The following DOT1L variants were observed in gnomAD, a reference collection of about 807,000 sequenced individuals.
The protein encoded by DOT1L is DOT1 like histone lysine methyltransferase, also known as histone-lysine N-methyltransferase, H3 lysine-79 specific.
In DOT1L, 33 loss-of-function variants were observed where a neutral mutation model predicts 153.3. That is an observed-to-expected ratio of 0.22 (90% CI 0.16 to 0.29). The LOEUF (loss-of-function observed/expected upper bound fraction) is 0.29. Ranked by LOEUF, DOT1L falls within the 10% of genes least tolerant of loss-of-function variation. DOT1L has a pLI of 1.00. For synonymous variants in DOT1L, 1,135 were observed against 965.1 expected (o/e 1.18, Z -3.26); for missense variants, 1,847 against 2,119.9 (o/e 0.87, Z 2.53).
chr19:2,203,328 G>A (rs536655686), intron 9 of DOT1L, among the ~76,000 whole-genome samples: 14 of 152,306 alleles, frequency 9.2e-5, no homozygotes, highest in South Asian at 4.1e-4. Flanking sequence ...TCGAACTCCC[G>A]ATGTCAGGGT....
Position 2,226,623 on chromosome 19 carries a change from C to A in DOT1L, c.4102C>A (p.Leu1368Met). The A allele has an allele frequency of 6.3e-7, 1 of 1,595,322 alleles. No homozygotes were observed. The highest frequency in any genetic ancestry group is 2.3e-5 in the East Asian group (1 of 44,434). Reference protein sequence around the residue: ...GKEGSDANPFLSKRQLDGLAG... With the variant: ...GKEGSDANPFMSKRQLDGLAG... ...GGAGGGCTCGGACGCCAACCCTTTCCTGAGCAAGAGGCAGCTGGACGGCCT... is the reference window on the plus strand; with the variant it reads ...GGAGGGCTCGGACGCCAACCCTTTCATGAGCAAGAGGCAGCTGGACGGCCT... Residue 1368 changes from leucine (L) to methionine (M), a missense_variant, in exon 27 of 28, where the codon CTG (leucine) becomes ATG (methionine). Physicochemically the swap from Leu to Met is conservative, Grantham distance 15 (BLOSUM62 2). Transcript: ENST00000398665.
chr19:2,199,759 G>C, intron 7 of DOT1L, 125 bp from the exon 8 acceptor site: 1 of 1,292,436 alleles, frequency 7.7e-7, no homozygotes, highest in South Asian at 1.4e-5. Context: ...TGGGGCCTGG[G>C]CCTCCTCCTG....
At position 2,229,850 on chromosome 19, in the gene DOT1L, C is replaced by T. The variant is rs765017817; in HGVS notation, c.*58C>T. ...GACGGTGTGGACCAACTCGCGCCCGCGGCATGGTGCCCGCCGGCCTGCCGG... is the reference window on the plus strand; with the variant it reads ...GACGGTGTGGACCAACTCGCGCCCGTGGCATGGTGCCCGCCGGCCTGCCGG... On this transcript the variant is annotated 3_prime_UTR_variant, in exon 28 of 28. Coordinates refer to ENST00000398665, the MANE Select transcript of DOT1L (RefSeq NM_032482.3). The T allele has an allele frequency of 2.4e-5, 38 of 1,611,834 alleles. No individual in the cohort carries two copies. The highest frequency in any genetic ancestry group is 1.2e-4 in the African/African-American group (9 of 74,936).
At chr19:2,187,349 G>A (rs563805813) in intron 3 of DOT1L, among the ~76,000 whole-genome samples, 1 of 152,344 alleles carries the variant, frequency 6.6e-6, no homozygotes, top group South Asian at 2.1e-4. Flanking sequence ...CTGTGCTCAC[G>A]GCGCCCCTCC....
In DOT1L at chr19:2,193,564, A is replaced by C; in HGVS notation, c.494-125A>C. 1.3e-6 allele frequency: 1 copy of C among 798,640 alleles called. No homozygotes were observed. Among genetic ancestry groups the C allele is most frequent in the Non-Finnish European group, 2.0e-6 (1 of 490,744 alleles). The allele number at this position is 798,640 out of a possible 1,614,324, so 49.5% of individuals were successfully genotyped here. On this transcript the variant is annotated intron_variant, in intron 5 of 27. Coordinates refer to ENST00000398665, the MANE Select transcript of DOT1L (RefSeq NM_032482.3). The surrounding 1 kb of genome is among the most constrained non-coding windows in gnomAD (Gnocchi z 5.9). ...ACCTTGGAGCATCGGATATGTGTGG[A>C]GACTGTGGCCTCCCCTGTGGGTCTT...
At chr19:2,167,438 T>C (rs776109317) in intron 1 of DOT1L, among the ~76,000 whole-genome samples, 13 of 152,316 alleles carry the variant, frequency 8.5e-5, no homozygotes, top group Non-Finnish European at 1.9e-4. Flanking sequence ...TGCTCCATTG[T>C]AAATAGTAAG....
At position 2,214,083 on chromosome 19, in the gene DOT1L, C is replaced by T. The variant is rs1212238795; in HGVS notation, c.1797+97C>T. Reference sequence around the variant, plus strand: ...CGGGTGGGAGGCTCTGGAAGGCCCGCCTCTGTTGTGGGGTTTGTTCCCAGA... The same window carrying T: ...CGGGTGGGAGGCTCTGGAAGGCCCGTCTCTGTTGTGGGGTTTGTTCCCAGA... On this transcript the variant is annotated intron_variant, in intron 18 of 27. Coordinates refer to ENST00000398665, the MANE Select transcript of DOT1L (RefSeq NM_032482.3). The T allele has an allele frequency of 4.7e-6, 7 of 1,495,296 alleles. No individual in the cohort carries two copies. The Admixed American group carries it at 8.5e-5, about 18-fold the overall frequency. The allele number at this position is 1,495,296 out of a possible 1,614,324, so 92.6% of individuals were successfully genotyped here.
At chr19:2,218,432 C>T (rs1346353773) in intron 22 of DOT1L, among the ~76,000 whole-genome samples, 13 of 152,140 alleles carry the variant, frequency 8.5e-5, no homozygotes, top group Admixed American at 7.9e-4. Flanking sequence ...CTCACTCTGT[C>T]GCCCAGGCTG....
intron 1 of DOT1L, among the ~76,000 whole-genome samples, chr19:2,164,668 TCTC>T (rs1033679193): frequency 2.7e-5 from 4 of 149,886 alleles, no homozygotes; most frequent in African/African-American, 9.8e-5. Flanking sequence ...TCCTTTCCTG[TCTC>T]CTCTTCTCTT....
chr19:2,174,958 A>ATGTGTGTGTGTGTGTGTG (rs71337121), intron 1 of DOT1L, among the ~76,000 whole-genome samples: 1 of 129,992 alleles, frequency 7.7e-6, no homozygotes, highest in African/African-American at 2.9e-5. Context: ...TTTTAAATAT[A>ATGTGTGTGTGTGTGTGTG]TGTGTGTGTG....
rs754189630 is a variant in DOT1L at position 2,229,765 on chromosome 19, C to G, written c.4607-20C>G. The G allele has an allele frequency of 1.1e-5, 17 of 1,613,226 alleles. No individual in the cohort carries two copies. Among genetic ancestry groups the G allele is most frequent in the Middle Eastern group, 1.6e-4 (1 of 6,062 alleles). On this transcript the variant is annotated intron_variant, in intron 27 of 27. Transcript: ENST00000398665. ...GCGATGGTAACCTCAGGCCGCTCTT[C>G]CCGCTGTGCCCTTCTGCAGGTAACT...
chr19:2,226,749 G>T lies in DOT1L; in HGVS notation c.4228G>T (p.Ala1410Ser). Residue 1410 changes from alanine (A) to serine (S), a missense_variant, in exon 27 of 28, where the codon GCC becomes TCC. Coordinates refer to ENST00000398665, the MANE Select transcript of DOT1L (RefSeq NM_032482.3). The stretch of plus-strand genomic sequence containing the variant: ...CAAGACCCCACTGCTGAGCGGCAAG[G>T]CCGCCAAGGCCCGGGACCGCGAGGT... ...TDKTPLLSGK[A>S]AKARDREVDL... The T allele has an allele frequency of 6.4e-7, 1 of 1,557,238 alleles. No individual in the cohort carries two copies.
chr19:2,172,105 T>C (rs1409708047), intron 1 of DOT1L, among the ~76,000 whole-genome samples: 2 of 152,090 alleles, frequency 1.3e-5, no homozygotes, highest in Admixed American at 6.5e-5. Context: ...TGAAACTCAC[T>C]TGGAGGCTCT....
chr19:2,190,583 G>A lies in DOT1L; in HGVS notation c.265-429G>A, dbSNP rs575513197. On this transcript the variant is annotated intron_variant, in intron 4 of 27. Coordinates refer to ENST00000398665, the MANE Select transcript of DOT1L (RefSeq NM_032482.3). This position sits in a 1 kb window ranked among gnomAD's most constrained non-coding sequence, Gnocchi z 4.8. ...TGCTGCAGCTGGTGGGGAGGAAGGC[G>A]GGGTCCCACGTAGTCGAGTCAGATG... Among the ~76,000 whole-genome samples, 37 of 152,302 alleles carry A rather than the reference G, an allele frequency of 2.4e-4. No homozygotes were observed. The highest frequency in any genetic ancestry group is 4.9e-4 in the Non-Finnish European group (33 of 68,006).
At position 2,216,969 on chromosome 19, in the gene DOT1L, A is replaced by G. The variant is rs1416313823; in HGVS notation, c.2423A>G (p.Lys808Arg). ...TCTCATTCCAGAGCTGAGCACACCA[A>G]GGAGAACGGCCTTCCCTACCAGAGC... The part of the protein sequence containing the change: ...SELHSRAEHT[K>R]ENGLPYQSPS... Residue 808 changes from lysine to arginine, a missense_variant, in exon 21 of 28, where the codon AAG becomes AGG. This residue lies in a region of DOT1L where 281 missense variants were observed against 263.6 expected (regional missense o/e 1.07). Transcript: ENST00000398665. 6.2e-7 allele frequency: 1 copy of G among 1,612,500 alleles called. No individual in the cohort carries two copies. The highest frequency in any genetic ancestry group is 1.3e-5 in the African/African-American group (1 of 74,882).
intron 16 of DOT1L, chr19:2,212,066 G>T: frequency 1.9e-6 from 1 of 537,558 alleles, no homozygotes; most frequent in Non-Finnish European, 3.3e-6. Context: ...GGTTTTGCAA[G>T]ACCTGGTGTC....
chr19:2,171,163 G>GC (rs960560908), intron 1 of DOT1L, among the ~76,000 whole-genome samples: 4 of 152,122 alleles, frequency 2.6e-5, no homozygotes, highest in African/African-American at 9.7e-5. Context: ...TTGCTGTGTT[G>GC]CCCCAGGCTA....
intron 1 of DOT1L, among the ~76,000 whole-genome samples, chr19:2,180,034 A>G (rs548829679): frequency 2.2e-4 from 33 of 152,142 alleles, no homozygotes; most frequent in Admixed American, 4.6e-4. Flanking sequence ...TGCCTTTGAC[A>G]TTGGCCTTGT....
chr19:2,205,475 C>T (rs1018151385), intron 9 of DOT1L, among the ~76,000 whole-genome samples: 1 of 152,148 alleles, frequency 6.6e-6, no homozygotes, highest in Non-Finnish European at 1.5e-5. Context: ...TTAGTAGAGA[C>T]GGGGTTTCAC....
Sources: gnomAD v4.1 joint callset for allele counts (sites outside exome capture counted in the v4.1 genomes callset) on GRCh38, gnomAD v4.1.1 for gene constraint, gnomAD v4.1.1 regional missense constraint, Gnocchi (gnomAD v3.1) non-coding constraint, MANE v1.5 for transcripts, NCBI Gene and HGNC (gene_info 2026-07-23, HGNC 2026-07-21) for gene names.